PCDH15: variants seen among roughly 807,000 people sequenced by gnomAD.
The protein encoded by PCDH15 is protocadherin-15.
In PCDH15, 129 loss-of-function variants were observed where a neutral mutation model predicts 178.5. The observed-to-expected ratio is 0.72, with a 90% CI of 0.63 to 0.84. The LOEUF is 0.84. PCDH15 is among the 40% of genes least tolerant of loss of function. PCDH15 has a pLI of 0.00. For missense variants in PCDH15, 2,230 were observed against 2,099.9 expected, an observed-to-expected ratio of 1.06 and a Z score of -1.21; for synonymous variants, 800 against 732.0, an observed-to-expected ratio of 1.09 and a Z score of -1.50.
chr10:55,016,170 T>A (rs1840175046), intron 2 of PCDH15, among the ~76,000 whole-genome samples: 1 of 151,724 alleles, frequency 6.6e-6, no homozygotes, highest in Admixed American at 6.6e-5. Context: ...ATGAGATATT[T>A]TGATACAGGC....
At chr10:53,919,552 A>G (rs1163498561) in intron 25 of PCDH15, among the ~76,000 whole-genome samples, 3 of 152,152 alleles carry the variant, frequency 2.0e-5, no homozygotes, top group East Asian at 1.9e-4. Flanking sequence ...CATTTTATCA[A>G]TGAAGATAAT....
At chr10:54,107,912 G>A (rs1181850240) in intron 15 of PCDH15, among the ~76,000 whole-genome samples, 1 of 152,192 alleles carries the variant, frequency 6.6e-6, no homozygotes, top group African/African-American at 2.4e-5. Context: ...CAGGTAAGCA[G>A]AATGTTTAGG....
At chr10:54,222,124 C>A (rs1184149678) in intron 9 of PCDH15, among the ~76,000 whole-genome samples, 1 of 152,148 alleles carries the variant, frequency 6.6e-6, no homozygotes, top group African/African-American at 2.4e-5. Flanking sequence ...TTCCTGTATA[C>A]CTCTCTGAAT....
intron 16 of PCDH15, among the ~76,000 whole-genome samples, chr10:54,082,040 T>A (rs772377247): frequency 6.6e-6 from 1 of 152,194 alleles, no homozygotes; most frequent in Non-Finnish European, 1.5e-5. Context: ...CTTGTCTTTA[T>A]CCTACCATCT....
chr10:54,477,161 C>T (rs535146888), intron 3 of PCDH15, among the ~76,000 whole-genome samples: 17 of 152,250 alleles, frequency 1.1e-4, no homozygotes, highest in African/African-American at 3.6e-4. Flanking sequence ...CCAGCCTTAT[C>T]TCTCAGAACT....
intron 2 of PCDH15, among the ~76,000 whole-genome samples, chr10:54,622,711 A>G (rs1190583728): frequency 9.7e-5 from 3 of 30,984 alleles, no homozygotes; most frequent in Non-Finnish European, 1.4e-4. Context: ...TCTATATATT[A>G]TATATAATAT....
intron 13 of PCDH15, among the ~76,000 whole-genome samples, chr10:54,155,791 TAAAAAA>T (rs527427577): frequency 1.4e-3 from 170 of 119,568 alleles, no homozygotes; most frequent in Admixed American, 3.8e-3. Flanking sequence ...GTGAGACTCT[TAAAAAA>T]AAAAAAAAAA....
At chr10:55,606,595 T>A (rs1843223055) in intron 2 of PCDH15, among the ~76,000 whole-genome samples, 1 of 148,090 alleles carries the variant, frequency 6.8e-6, no homozygotes, top group African/African-American at 2.5e-5. Context: ...TAATGCTGCA[T>A]ATCTACAAGT....
intron 2 of PCDH15, among the ~76,000 whole-genome samples, chr10:55,622,802 A>G (rs186041177): frequency 6.6e-6 from 1 of 152,222 alleles, no homozygotes; most frequent in East Asian, 1.9e-4. Flanking sequence ...CTGCAGGCAA[A>G]TGTCCTCTCC....
chr10:54,046,261 A>C (rs2093653466), intron 18 of PCDH15, among the ~76,000 whole-genome samples: 2 of 152,196 alleles, frequency 1.3e-5, no homozygotes, highest in African/African-American at 4.8e-5. Context: ...ACAATTTCGC[A>C]TTTCCAACAA....
At chr10:55,123,751 T>C (rs1003521386) in intron 2 of PCDH15, among the ~76,000 whole-genome samples, 4 of 152,146 alleles carry the variant, frequency 2.6e-5, no homozygotes, top group African/African-American at 9.7e-5. Context: ...GAAGTGTGTC[T>C]CAGAACTTCC....
intron 1 of PCDH15, among the ~76,000 whole-genome samples, chr10:55,210,018 C>T (rs1377450757): frequency 6.6e-6 from 1 of 151,692 alleles, no homozygotes; most frequent in Admixed American, 6.6e-5. Context: ...TAAGAAAGAA[C>T]AGCCTAAGAA....
At chr10:54,535,747 T>C (rs1022889942) in intron 2 of PCDH15, among the ~76,000 whole-genome samples, 1 of 149,182 alleles carries the variant, frequency 6.7e-6, no homozygotes, top group Non-Finnish European at 1.5e-5. Flanking sequence ...AGTTTAAGGT[T>C]CTAGGGGCTT....
At position 54,516,814 on chromosome 10, in the gene PCDH15, G is replaced by C. The variant is rs1388743914; in HGVS notation, c.157+10998C>G. Among the ~76,000 whole-genome samples the C allele has an allele frequency of 2.6e-5, 4 of 152,178 alleles. No homozygotes were observed. The South Asian group carries it at 6.2e-4, about 24-fold the overall frequency. ...AATGTTAAGGGCAGCCAGAGAGAAA[G>C]ATTGGGTTACCCACAAAGGGAAGCT... On this transcript the variant is annotated intron_variant, in intron 3 of 37. Transcript: ENST00000644397.
intron 8 of PCDH15, among the ~76,000 whole-genome samples, chr10:54,242,145 T>TAC (rs1564769336): frequency 9.3e-5 from 5 of 53,548 alleles, no homozygotes; most frequent in African/African-American, 4.8e-4. Flanking sequence ...TATATATATA[T>TAC]ATATATATAT....
At chr10:54,328,807 A>G (rs1938760821) in intron 7 of PCDH15, among the ~76,000 whole-genome samples, 1 of 151,978 alleles carries the variant, frequency 6.6e-6, no homozygotes, top group Admixed American at 6.6e-5. Flanking sequence ...GGGAAGTATA[A>G]GGATGGAAGG....
At chr10:55,509,270 A>G (rs922128554) in intron 2 of PCDH15, among the ~76,000 whole-genome samples, 1 of 151,918 alleles carries the variant, frequency 6.6e-6, no homozygotes, top group Admixed American at 6.6e-5. Flanking sequence ...CTGCTGCAAT[A>G]CAGTGTTGAA....
At chr10:54,997,628 T>C (rs1177123103) in intron 2 of PCDH15, among the ~76,000 whole-genome samples, 1 of 152,196 alleles carries the variant, frequency 6.6e-6, no homozygotes, top group African/African-American at 2.4e-5. Context: ...ATGTTTTTGG[T>C]TTAATAAAAA....
At chr10:54,943,683 C>A (rs1838117334) in intron 2 of PCDH15, among the ~76,000 whole-genome samples, 1 of 151,760 alleles carries the variant, frequency 6.6e-6, no homozygotes, top group African/African-American at 2.4e-5. Context: ...GACTCAACAT[C>A]CTTTGTACCA....
Sources: allele counts gnomAD v4.1 joint callset (sites outside exome capture counted in the v4.1 genomes callset), GRCh38; gene constraint gnomAD v4.1.1; transcripts MANE v1.5; gene names NCBI Gene and HGNC (gene_info 2026-07-23, HGNC 2026-07-21).